The following SUN1 variants were observed in gnomAD, a reference collection of about 807,000 sequenced individuals.
SUN1 encodes SUN domain-containing protein 1.
A neutral mutation model predicts 103.2 loss-of-function variants in SUN1; 61 were observed. The ratio of observed to expected loss-of-function variants is 0.59; its 90% CI spans 0.48 to 0.73. The LOEUF (loss-of-function observed/expected upper bound fraction) is 0.73. SUN1 is among the 30% of genes least tolerant of loss of function. SUN1 has a pLI of 0.00. For missense variants in SUN1, 1,052 were observed against 1,034.6 expected (o/e 1.02, Z -0.23); for synonymous variants, 490 against 425.7 (o/e 1.15, Z -1.86).
chr7:823,843 G>A (rs1583861755), intron 1 of SUN1, among the ~76,000 whole-genome samples: 2 of 152,190 alleles, frequency 1.3e-5, no homozygotes, highest in Admixed American at 1.3e-4. Flanking sequence ...GGCCTGGGGC[G>A]TGATTTGGAC....
At chr7:869,740 G>A (rs1405189013) in intron 17 of SUN1, among the ~76,000 whole-genome samples, 1 of 152,162 alleles carries the variant, frequency 6.6e-6, no homozygotes, top group Admixed American at 6.6e-5. Flanking sequence ...CACTGACCAA[G>A]GTAGACACGC....
chr7:830,406 G>A (rs1336231858), upstream of SUN1, among the ~76,000 whole-genome samples: 1 of 152,234 alleles, frequency 6.6e-6, no homozygotes. Context: ...ATCAGGGTGG[G>A]TAAGGAACCC....
chr7:853,847 G>A (rs184142755), intron 10 of SUN1, among the ~76,000 whole-genome samples: 25 of 152,332 alleles, frequency 1.6e-4, no homozygotes, highest in African/African-American at 5.3e-4. Context: ...AGTGGTGGGC[G>A]GGAGACTTGT....
chr7:869,319 T>G, intron 16 of SUN1, 30 bp from the exon 17 acceptor site: 1 of 1,608,488 alleles, frequency 6.2e-7, no homozygotes, highest in Middle Eastern at 1.7e-4. Flanking sequence ...ATGCTCACAC[T>G]CTGAGTCCTC....
upstream of SUN1, among the ~76,000 whole-genome samples, chr7:828,300 C>T (rs551720908): frequency 4.6e-5 from 7 of 151,908 alleles, no homozygotes; most frequent in South Asian, 1.5e-3. Context: ...GAGACAGAGT[C>T]TCACTCTGTC....
chr7:871,919 G>T (rs781635895), intron 17 of SUN1, among the ~76,000 whole-genome samples: 1 of 152,226 alleles, frequency 6.6e-6, no homozygotes, highest in Non-Finnish European at 1.5e-5. Flanking sequence ...TCACACTGTT[G>T]TGCAGCCATC....
intron 1 of SUN1, among the ~76,000 whole-genome samples, chr7:826,349 C>T (rs1791922365): frequency 1.1e-5 from 1 of 94,946 alleles, no homozygotes; most frequent in Non-Finnish European, 2.3e-5. Flanking sequence ...ATTGAGCGAG[C>T]ATGTGTGTCT....
Position 873,382 on chromosome 7 carries a change from A to G in SUN1, c.*51A>G. On this transcript the variant is annotated 3_prime_UTR_variant, in exon 19 of 19. Coordinates refer to ENST00000401592, the MANE Select transcript of SUN1 (RefSeq NM_001130965.3). ...TTTTTGTATATACTGGGACAGCGTG[A>G]AACACTGGAATCCTTCATGGACGAG... 6.8e-7 allele frequency: 1 copy of G among 1,479,936 alleles called. No individual in the cohort carries two copies. The highest frequency in any genetic ancestry group is 1.7e-5 in the Admixed American group (1 of 59,636). The allele number at this position is 1,479,936 out of a possible 1,614,324, so 91.7% of individuals were successfully genotyped here. A position where few individuals can be genotyped will look rare whatever the true frequency, so the allele number is the denominator to read the frequency against.
intron 5 of SUN1, among the ~76,000 whole-genome samples, chr7:845,973 A>C (rs928595467): frequency 2.0e-5 from 3 of 152,206 alleles, no homozygotes; most frequent in African/African-American, 7.2e-5. Flanking sequence ...TCTCCTAGGC[A>C]CCTGCAGGAC....
chr7:851,611 T>A, intron 6 of SUN1, 129 bp downstream of exon 6: 1 of 829,008 alleles, frequency 1.2e-6, no homozygotes, highest in Non-Finnish European at 1.9e-6. Context: ...GCGTAACGTG[T>A]CTCGTTCTTT....
At chr7:832,400 G>T, upstream of SUN1, 1 of 909,878 alleles carries the variant, frequency 1.1e-6, no homozygotes, top group South Asian at 1.5e-5. Flanking sequence ...TTTTGAGGGT[G>T]ACCTGAGTTG....
At chr7:861,078 C>T (rs982080190) in intron 14 of SUN1, among the ~76,000 whole-genome samples, 3 of 152,188 alleles carry the variant, frequency 2.0e-5, no homozygotes, top group South Asian at 2.1e-4. Context: ...CTTGAATGCT[C>T]ATCCTTGCTT....
intron 5 of SUN1, among the ~76,000 whole-genome samples, chr7:847,077 C>T (rs1816565627): frequency 6.6e-6 from 1 of 152,216 alleles, no homozygotes. Context: ...CATTCTTAAG[C>T]TGGTGGGTCA....
Position 870,022 on chromosome 7 carries a change from C to T in SUN1, c.2148+506C>T, listed in dbSNP as rs370560839. Reference sequence around the variant, plus strand: ...CAGCCTGGCCAAGGTGGTGAAACCGCGTCTCTACTAAAATATACAAAAAAA... The same window carrying T: ...CAGCCTGGCCAAGGTGGTGAAACCGTGTCTCTACTAAAATATACAAAAAAA... On this transcript the variant is annotated intron_variant, in intron 17 of 18. Transcript: ENST00000401592. Among the ~76,000 whole-genome samples the T allele has an allele frequency of 6.2e-3, 867 of 139,260 alleles. 14 individuals carry two copies. The highest frequency in any genetic ancestry group is 0.022 in the African/African-American group (831 of 37,340). The allele number at this position is 139,260 out of a possible 152,430, so 91.4% of individuals were successfully genotyped here. A position where few individuals can be genotyped will look rare whatever the true frequency, so the allele number is the denominator to read the frequency against.
chr7:846,324 G>C (rs777208197), intron 5 of SUN1, among the ~76,000 whole-genome samples: 1 of 152,146 alleles, frequency 6.6e-6, no homozygotes. Flanking sequence ...GGCCAGGCTG[G>C]TCTTGAACTC....
At chr7:859,108 G>C (rs149429316) in intron 13 of SUN1, among the ~76,000 whole-genome samples, 1 of 150,372 alleles carries the variant, frequency 6.7e-6, no homozygotes, top group Non-Finnish European at 1.5e-5. Context: ...AGCCAAGATC[G>C]CGCCACTGCA....
chr7:850,912 T>G (rs1821458809), intron 5 of SUN1: 1 of 153,250 alleles, frequency 6.5e-6, no homozygotes, highest in Non-Finnish European at 1.5e-5. Context: ...TGAAACACTG[T>G]TTCACTAGAA....
intron 1 of SUN1, among the ~76,000 whole-genome samples, chr7:825,219 C>T (rs905464296): frequency 3.3e-5 from 5 of 152,210 alleles, no homozygotes; most frequent in African/African-American, 4.8e-5. Context: ...CCACTGCGCC[C>T]GGCTAATTTT....
At chr7:828,254 GTTTTTGTTTTTTGT>G (rs1338816783), upstream of SUN1, among the ~76,000 whole-genome samples, 64 of 141,220 alleles carry the variant, frequency 4.5e-4, no homozygotes, top group African/African-American at 1.6e-3. Context: ...TTTTGTTTTT[GTTTTTGTTTTTTGT>G]TTTTGTTTTG....
Sources: gnomAD v4.1 joint callset for allele counts (sites outside exome capture counted in the v4.1 genomes callset) on GRCh38, gnomAD v4.1.1 for gene constraint, MANE v1.5 for transcripts, NCBI Gene and HGNC (gene_info 2026-07-23, HGNC 2026-07-21) for gene names.